Variants in KIF16B observed in about 807,000 individuals in gnomAD.
KIF16B encodes kinesin-like protein KIF16B.
A neutral mutation model predicts 156.3 loss-of-function variants in KIF16B; 98 were observed. The ratio of observed to expected loss-of-function variants is 0.63; its 90% CI spans 0.53 to 0.74. The LOEUF is 0.74. KIF16B is among the 30% of genes least tolerant of loss of function. The probability of loss-of-function intolerance (pLI) is 0.00; values close to 1 mark genes in which losing one functional copy is unlikely to be tolerated. For missense variants in KIF16B, 1,421 were observed against 1,606.5 expected, an observed-to-expected ratio of 0.88 and a Z score of 1.97; for synonymous variants, 564 against 583.7, an observed-to-expected ratio of 0.97 and a Z score of 0.49.
At chr20:16,536,476 G>A (rs568999167) in intron 1 of KIF16B, among the ~76,000 whole-genome samples, 36 of 152,250 alleles carry the variant, frequency 2.4e-4, no homozygotes, top group African/African-American at 8.7e-4. Context: ...TTTCAGAATA[G>A]CTAGAAAAGA....
Position 16,434,871 on chromosome 20 carries a change from C to T in KIF16B, c.1303-4889G>A, listed in dbSNP as rs184353549. Among the ~76,000 whole-genome samples the T allele has an allele frequency of 1.3e-3, 193 of 151,972 alleles. 2 individuals carry two copies. The East Asian group carries it at 0.024, about 19-fold the overall frequency. Reference sequence around the variant, plus strand: ...ATAAAGTGCACATAATTTCTGCAACCCTGACTACAAACACAGCAGATGTCT... The same window carrying T: ...ATAAAGTGCACATAATTTCTGCAACTCTGACTACAAACACAGCAGATGTCT... On this transcript the variant is annotated intron_variant, in intron 12 of 25. Coordinates refer to ENST00000354981, the MANE Select transcript of KIF16B (RefSeq NM_024704.5).
chr20:16,355,873 A>G (rs1223057055), intron 23 of KIF16B, among the ~76,000 whole-genome samples: 1 of 152,258 alleles, frequency 6.6e-6, no homozygotes, highest in African/African-American at 2.4e-5. Context: ...TGTTTATACC[A>G]GCCACAAGAT....
At chr20:16,487,271 G>T (rs2068147823) in intron 12 of KIF16B, among the ~76,000 whole-genome samples, 1 of 151,802 alleles carries the variant, frequency 6.6e-6, no homozygotes, top group Admixed American at 6.6e-5. Context: ...AAGATTAACT[G>T]CATTTAAACG....
At chr20:16,310,361 A>G (rs6111042) in intron 25 of KIF16B, among the ~76,000 whole-genome samples, 40,870 of 152,110 alleles carry the variant, frequency 0.27, 5,856 homozygotes, top group East Asian at 0.58. Context: ...TCCACCTGAA[A>G]GCATTAACAA....
At chr20:16,368,620 G>T (rs549565870) in intron 22 of KIF16B, 3 of 985,778 alleles carry the variant, frequency 3.0e-6, no homozygotes, top group Admixed American at 1.2e-4. Context: ...GTTTCCTTCT[G>T]TTCTGATATT....
chr20:16,356,614 A>G (rs930850515), intron 22 of KIF16B, among the ~76,000 whole-genome samples, 162 bp from the exon 23 acceptor site: 1 of 152,232 alleles, frequency 6.6e-6, no homozygotes, highest in African/African-American at 2.4e-5. Flanking sequence ...TTGAAAGAGA[A>G]AAGCTAAGCC....
At chr20:16,312,780 T>TTG (rs919955794) in intron 24 of KIF16B, among the ~76,000 whole-genome samples, 9 of 151,924 alleles carry the variant, frequency 5.9e-5, no homozygotes, top group African/African-American at 2.2e-4. Flanking sequence ...CCACCCTTTT[T>TTG]TTTTTTTTAC....
At chr20:16,411,423 A>C (rs2065952215) in intron 15 of KIF16B, among the ~76,000 whole-genome samples, 1 of 152,076 alleles carries the variant, frequency 6.6e-6, no homozygotes, top group Admixed American at 6.6e-5. Context: ...TTCACACTTA[A>C]CACCACCATC....
Position 16,272,421 on chromosome 20 carries a change from C to T in KIF16B, c.*832G>A, listed in dbSNP as rs1026329510. On this transcript the variant is annotated 3_prime_UTR_variant, in exon 26 of 26. Transcript: ENST00000354981. ...AAATTCTAGTTTTCCAGCCAAAGATCCAATAGATTCTGTAACAAAAAATGT... is the reference window on the plus strand; with the variant it reads ...AAATTCTAGTTTTCCAGCCAAAGATTCAATAGATTCTGTAACAAAAAATGT... 1 of 152,516 alleles carries T rather than the reference C, an allele frequency of 6.6e-6. No individual in the cohort carries two copies. The allele number at this position is 152,516 out of a possible 1,614,324, so 9.4% of individuals were successfully genotyped here.
At chr20:16,520,299 C>G (rs868289629) in intron 3 of KIF16B, among the ~76,000 whole-genome samples, 2 of 152,136 alleles carry the variant, frequency 1.3e-5, no homozygotes, top group South Asian at 2.1e-4. Context: ...TCGCTGCCAG[C>G]AAAGCAGTCT....
chr20:16,433,580 G>GAC lies in KIF16B; in HGVS notation c.1303-3600_1303-3599dup, dbSNP rs11469019. On this transcript the variant is annotated intron_variant, in intron 12 of 25. Coordinates refer to ENST00000354981, the MANE Select transcript of KIF16B (RefSeq NM_024704.5). ...TGTTCCCACCCATCCCCAGCATGTA[G>GAC]ACACACACACACACACACAGAGACA... 4.6e-5 allele frequency among the ~76,000 whole-genome samples: 7 copies of GAC among 150,856 alleles called. No homozygotes were observed. In the East Asian group the frequency reaches 9.8e-4, roughly 21 times the overall value.
chr20:16,381,281 T>A (rs995275572), intron 18 of KIF16B, among the ~76,000 whole-genome samples: 6 of 151,758 alleles, frequency 4.0e-5, no homozygotes, highest in Admixed American at 1.3e-4. Flanking sequence ...CCAAACAATA[T>A]CAGGAAAGAT....
intron 12 of KIF16B, among the ~76,000 whole-genome samples, chr20:16,462,286 C>T (rs1488967488): frequency 6.6e-6 from 1 of 152,050 alleles, no homozygotes; most frequent in African/African-American, 2.4e-5. Flanking sequence ...GTACACTTTT[C>T]TAAAATGTGT....
At chr20:16,440,256 T>C (rs1344745323) in intron 12 of KIF16B, among the ~76,000 whole-genome samples, 1 of 152,162 alleles carries the variant, frequency 6.6e-6, no homozygotes, top group Non-Finnish European at 1.5e-5. Flanking sequence ...CCGTTTTTAA[T>C]GCTCCTTGCC....
At chr20:16,528,497 CA>C in intron 1 of KIF16B, 57 bp from the exon 2 acceptor site, 1 of 1,221,682 alleles carries the variant, frequency 8.2e-7, no homozygotes, top group South Asian at 1.2e-5. Flanking sequence ...AAAAACAAAA[CA>C]AAACTAAACC....
intron 17 of KIF16B, among the ~76,000 whole-genome samples, chr20:16,402,424 T>C (rs75737358): frequency 0.017 from 2,656 of 152,286 alleles, 81 homozygotes; most frequent in African/African-American, 0.061. Flanking sequence ...ATAGGAGGCA[T>C]TCAGAGAGGA....
chr20:16,387,333 G>A (rs1485394395), intron 17 of KIF16B, among the ~76,000 whole-genome samples: 1 of 152,172 alleles, frequency 6.6e-6, no homozygotes, highest in Non-Finnish European at 1.5e-5. Context: ...CGGTTGCACT[G>A]AGCTTAGATG....
At chr20:16,399,144 G>C (rs2065586887) in intron 17 of KIF16B, among the ~76,000 whole-genome samples, 1 of 152,118 alleles carries the variant, frequency 6.6e-6, no homozygotes, top group South Asian at 2.1e-4. Context: ...ATGGGGTTAA[G>C]GGTCTCCAGA....
At chr20:16,569,142 C>G (rs2071369203) in intron 1 of KIF16B, among the ~76,000 whole-genome samples, 1 of 152,174 alleles carries the variant, frequency 6.6e-6, no homozygotes, top group Admixed American at 6.5e-5. Flanking sequence ...GACAGCCAGA[C>G]AGCCTATCTG....
Sources: allele counts gnomAD v4.1 joint callset (sites outside exome capture counted in the v4.1 genomes callset), GRCh38; gene constraint gnomAD v4.1.1; transcripts MANE v1.5; gene names NCBI Gene and HGNC (gene_info 2026-07-23, HGNC 2026-07-21).